The following CHRNB4 variants were observed in gnomAD, a reference collection of about 807,000 sequenced individuals.
The protein encoded by CHRNB4 is cholinergic receptor nicotinic beta 4 subunit, also known as neuronal acetylcholine receptor subunit beta-4.
CHRNB4 carries 23 observed loss-of-function variants against 40.4 expected under a neutral mutation model. The ratio of observed to expected loss-of-function variants is 0.57; its 90% CI spans 0.41 to 0.81. CHRNB4 has a LOEUF of 0.81. CHRNB4 is among the 30% of genes least tolerant of loss of function. The pLI, the probability that CHRNB4 is intolerant of heterozygous loss-of-function variation, is 0.00. For missense variants in CHRNB4, 568 were observed against 670.6 expected (o/e 0.85, Z 1.69); for synonymous variants, 285 against 274.4 (o/e 1.04, Z -0.38).
upstream of CHRNB4, chr15:78,661,563 CG>C (rs1278422605): frequency 2.1e-5 from 11 of 535,356 alleles, no homozygotes; most frequent in Non-Finnish European, 4.1e-5. Context: ...GGGCTCCTTG[CG>C]CGGAACGTTT....
chr15:78,624,770 T>C lies in CHRNB4; in HGVS notation c.*363A>G, dbSNP rs907224484. The C allele has an allele frequency of 2.0e-6, 1 of 508,456 alleles. No homozygotes were observed. Among genetic ancestry groups the C allele is most frequent in the African/African-American group, 1.9e-5 (1 of 52,506 alleles). The allele number at this position is 508,456 out of a possible 1,614,324, so 31.5% of individuals were successfully genotyped here. ...AAGAATCTAGAAGTGTGTGAGGAACTGGACAAGGGGAAGTGGAGAGAGATG... is the reference window on the plus strand; with the variant it reads ...AAGAATCTAGAAGTGTGTGAGGAACCGGACAAGGGGAAGTGGAGAGAGATG... On this transcript the variant is annotated 3_prime_UTR_variant, in exon 6 of 6. Transcript: ENST00000261751.
chr15:78,661,352 AT>A, upstream of CHRNB4: 1 of 556,280 alleles, frequency 1.8e-6, no homozygotes, highest in Non-Finnish European at 3.5e-6. Context: ...CACATCATCC[AT>A]TATGGTCCCC....
intron 4 of CHRNB4, 63 bp downstream of exon 4, chr15:78,631,013 T>A: frequency 7.4e-7 from 1 of 1,343,208 alleles, no homozygotes; most frequent in South Asian, 1.2e-5. Context: ...TGGATGACTC[T>A]TAGGGCTGGG....
At chr15:78,646,162 A>AG (rs991650591), upstream of CHRNB4, among the ~76,000 whole-genome samples, 3 of 152,108 alleles carry the variant, frequency 2.0e-5, no homozygotes, top group Non-Finnish European at 4.4e-5. Context: ...TTAAATGTTG[A>AG]GGGGGATGTA....
At chr15:78,641,340 T>C (rs2054071609), upstream of CHRNB4, 2 of 486,406 alleles carry the variant, frequency 4.1e-6, no homozygotes, top group Admixed American at 4.4e-5. Context: ...GCCCCCTGGG[T>C]GGTCTGGACC....
chr15:78,636,161 CCACT>C (rs1465593061), intron 1 of CHRNB4, among the ~76,000 whole-genome samples: 7 of 152,310 alleles, frequency 4.6e-5, no homozygotes, highest in South Asian at 2.1e-4. Context: ...CCCACATTGG[CCACT>C]CAAAGTGCTG....
At chr15:78,654,832 A>T (rs2054199365) in intron 5 of CHRNB4, among the ~76,000 whole-genome samples, 1 of 152,200 alleles carries the variant, frequency 6.6e-6, no homozygotes. Flanking sequence ...AGACACAGAC[A>T]TTACCAGCAC....
rs1305917368 is a variant in CHRNB4 at position 78,641,072 on chromosome 15, A to T, written c.55+7T>A. The T allele has an allele frequency of 6.3e-7, 1 of 1,575,040 alleles. No homozygotes were observed. The highest frequency in any genetic ancestry group is 8.6e-7 in the Non-Finnish European group (1 of 1,160,744). On this transcript the variant is annotated splice_region_variant and intron_variant, in intron 1 of 5. Transcript: ENST00000261751. ...CGCCCCTCCCTCCTTCCCCGAAAAG[A>T]ACTCACCGCGCCCGCAAAGGGCGAC...
At chr15:78,630,265 A>G (rs1309817446) in intron 4 of CHRNB4, among the ~76,000 whole-genome samples, 4 of 151,832 alleles carry the variant, frequency 2.6e-5, no homozygotes, top group African/African-American at 4.8e-5. Flanking sequence ...CGGCCTCCCA[A>G]GTAGCTGGGA....
intron 2 of CHRNB4, among the ~76,000 whole-genome samples, chr15:78,657,980 T>C (rs78194027): frequency 0.017 from 2,494 of 150,288 alleles, 73 homozygotes; most frequent in East Asian, 0.084. Context: ...CTTTTGATTC[T>C]GGGGACACAT....
At chr15:78,635,407 G>C in intron 2 of CHRNB4, 32 bp downstream of exon 2, 1 of 1,608,584 alleles carries the variant, frequency 6.2e-7, no homozygotes, top group Non-Finnish European at 8.5e-7. Context: ...CTCTCCACCT[G>C]AGCCTGAGCC....
chr15:78,656,720 C>A (rs2141412414), intron 3 of CHRNB4: 1 of 152,308 alleles, frequency 6.6e-6, no homozygotes, highest in African/African-American at 2.4e-5. Context: ...ACTAATAAGA[C>A]TCCAGAGACG....
In CHRNB4 at chr15:78,624,718, T is replaced by C. The variant is rs1288310594; in HGVS notation, c.*415A>G. On this transcript the variant is annotated 3_prime_UTR_variant, in exon 6 of 6. Coordinates refer to ENST00000261751, the MANE Select transcript of CHRNB4 (RefSeq NM_000750.5). The stretch of plus-strand genomic sequence containing the variant: ...AAAGAAAAAAAAAAAGATGATGATA[T>C]GGCAAATGCCAAGCCTCTGAGCTGG... The C allele has an allele frequency of 3.7e-5, 15 of 400,752 alleles. No individual in the cohort carries two copies. The Admixed American group carries it at 4.7e-4, about 13-fold the overall frequency. The allele number at this position is 400,752 out of a possible 1,614,324, so 24.8% of individuals were successfully genotyped here.
At chr15:78,642,644 A>G (rs1428974517), upstream of CHRNB4, among the ~76,000 whole-genome samples, 3 of 152,202 alleles carry the variant, frequency 2.0e-5, no homozygotes, top group African/African-American at 7.2e-5. Context: ...GAAAGGACAT[A>G]AAACCTGGAG....
In CHRNB4 at chr15:78,625,068, A is replaced by C. The variant is rs754022924; in HGVS notation, c.*65T>G. On this transcript the variant is annotated 3_prime_UTR_variant, in exon 6 of 6. Coordinates refer to ENST00000261751, the MANE Select transcript of CHRNB4 (RefSeq NM_000750.5). ...CTTAGGGCCTCATCAGCCACAACCC[A>C]GAAAGAAGCAGCAAAGTGCCCACCC... 1.1e-5 allele frequency: 17 copies of C among 1,611,304 alleles called. No homozygotes were observed. Among genetic ancestry groups the C allele is most frequent in the Non-Finnish European group, 8.5e-7 (1 of 1,179,770 alleles).
chr15:78,643,945 C>G (rs568839304), upstream of CHRNB4, among the ~76,000 whole-genome samples: 2 of 147,362 alleles, frequency 1.4e-5, 1 homozygote. Flanking sequence ...GTCAGGAGAT[C>G]GAGACCATCC....
upstream of CHRNB4, among the ~76,000 whole-genome samples, chr15:78,645,844 G>A (rs1231065841): frequency 6.6e-6 from 1 of 152,020 alleles, no homozygotes; most frequent in Non-Finnish European, 1.5e-5. Context: ...TGGATAATGA[G>A]GTCAAGAGAT....
intron 7 of CHRNB4, among the ~76,000 whole-genome samples, chr15:78,647,691 A>G (rs1249933504): frequency 7.5e-6 from 1 of 133,588 alleles, no homozygotes; most frequent in Non-Finnish European, 1.6e-5. Context: ...CTAAAAATCC[A>G]AAAAAAAAAA....
chr15:78,650,865 T>C (rs888740820), intron 6 of CHRNB4, among the ~76,000 whole-genome samples: 7 of 152,096 alleles, frequency 4.6e-5, no homozygotes, highest in Admixed American at 3.9e-4. Context: ...TGGTCTAAGA[T>C]GTGGGGAGAG....
Sources: allele counts gnomAD v4.1 joint callset (sites outside exome capture counted in the v4.1 genomes callset), GRCh38; gene constraint gnomAD v4.1.1; transcripts MANE v1.5; gene names NCBI Gene and HGNC (gene_info 2026-07-23, HGNC 2026-07-21).